Variants in PRRC2B observed in about 807,000 individuals in gnomAD.
PRRC2B encodes the protein protein PRRC2B.
Under a neutral mutation model 242.3 loss-of-function variants are expected in PRRC2B, and 68 were observed. The ratio of observed to expected loss-of-function variants is 0.28; its 90% CI spans 0.23 to 0.34. The LOEUF (loss-of-function observed/expected upper bound fraction) is 0.34, where lower values mean the gene tolerates loss of function less well. PRRC2B is among the 10% of genes least tolerant of loss of function. PRRC2B has a pLI of 1.00. For synonymous variants in PRRC2B, 1,228 were observed against 1,173.6 expected (o/e 1.05, Z -0.95); for missense variants, 2,835 against 2,954.8 (o/e 0.96, Z 0.94).
intron 1 of PRRC2B, among the ~76,000 whole-genome samples, chr9:131,421,975 T>G (rs904203096): frequency 2.0e-5 from 3 of 152,246 alleles, no homozygotes; most frequent in African/African-American, 7.2e-5. Context: ...CAGTGCAGCC[T>G]GGGCTCCAAG....
At chr9:131,449,199 T>C (rs1942832504) in intron 9 of PRRC2B, among the ~76,000 whole-genome samples, 2 of 152,336 alleles carry the variant, frequency 1.3e-5, no homozygotes, top group Admixed American at 1.3e-4. Context: ...CATACTTCTA[T>C]TTCTCTTGGG....
At position 131,470,841 on chromosome 9, in the gene PRRC2B, C is replaced by A. The variant is rs758698070; in HGVS notation, c.1965C>A (p.His655Gln). The change falls in exon 14 of 32, where the codon CAC (histidine) becomes CAA (glutamine). Residue 655 changes from histidine to glutamine, a missense_variant. Physicochemically the swap from His to Gln is conservative, Grantham distance 24. Transcript: ENST00000683519. The part of the protein sequence containing the change: ...HWQPVYPPPS[H>Q]PQRTFYPHHP... ...AGCCGGTGTACCCCCCGCCGTCCCACCCCCAGCGCACCTTTTACCCACACC... is the reference window on the plus strand; with the variant it reads ...AGCCGGTGTACCCCCCGCCGTCCCAACCCCAGCGCACCTTTTACCCACACC... 5.0e-6 allele frequency: 8 copies of A among 1,610,320 alleles called. No homozygotes were observed. Among genetic ancestry groups the A allele is most frequent in the Non-Finnish European group, 6.8e-6 (8 of 1,177,398 alleles).
intron 1 of PRRC2B, among the ~76,000 whole-genome samples, chr9:131,401,498 C>T (rs1402950614): frequency 1.3e-5 from 2 of 151,432 alleles, no homozygotes; most frequent in Admixed American, 6.6e-5. Context: ...TACAGGCACA[C>T]GCCACCACAC....
intron 5 of PRRC2B, among the ~76,000 whole-genome samples, chr9:131,442,762 C>T (rs1838642228): frequency 6.6e-6 from 1 of 152,156 alleles, no homozygotes; most frequent in Non-Finnish European, 1.5e-5. Flanking sequence ...CTAGATTGCT[C>T]CTGTCTGGAG....
chr9:131,440,154 A>G (rs1045752340), intron 5 of PRRC2B, among the ~76,000 whole-genome samples: 1 of 152,018 alleles, frequency 6.6e-6, no homozygotes, highest in Non-Finnish European at 1.5e-5. Flanking sequence ...TGATCCTCCT[A>G]CCTTGGCCTC....
rs541839810 is a variant in PRRC2B, at chr9:131,445,222, G to A, written c.613+894G>A. Among the ~76,000 whole-genome samples the A allele has an allele frequency of 2.0e-5, 3 of 151,886 alleles. No homozygotes were observed. In the East Asian group the frequency reaches 5.8e-4, roughly 29 times the overall value. On this transcript the variant is annotated intron_variant, in intron 6 of 31. Coordinates refer to ENST00000683519, the MANE Select transcript of PRRC2B (RefSeq NM_013318.4). ...GTTGCCCAGGGTGGAGTGCAATGGT[G>A]CGATCTCTGCTCACTGCAACCTCCG...
intron 14 of PRRC2B, among the ~76,000 whole-genome samples, chr9:131,472,910 A>T (rs1010781916): frequency 2.0e-5 from 3 of 151,962 alleles, no homozygotes; most frequent in African/African-American, 7.2e-5. Flanking sequence ...TTGCTTCTAC[A>T]TTTCATTTCT....
At chr9:131,425,870 A>G (rs1837961792) in intron 1 of PRRC2B, among the ~76,000 whole-genome samples, 1 of 150,774 alleles carries the variant, frequency 6.6e-6, no homozygotes, top group Admixed American at 6.6e-5. Context: ...TTAGCTGGGC[A>G]TGGTGGTTCA....
At chr9:131,458,782 C>T (rs912843752) in intron 10 of PRRC2B, among the ~76,000 whole-genome samples, 2 of 152,172 alleles carry the variant, frequency 1.3e-5, no homozygotes, top group African/African-American at 2.4e-5. Context: ...GGATTACAGG[C>T]GTGAGCCACT....
At chr9:131,462,641 C>T (rs1167864033) in intron 11 of PRRC2B, among the ~76,000 whole-genome samples, 2 of 151,294 alleles carry the variant, frequency 1.3e-5, no homozygotes, top group Non-Finnish European at 3.0e-5. Flanking sequence ...AGTTCTAGAC[C>T]AGCCTGACCA....
At chr9:131,426,575 C>T (rs139211463) in intron 1 of PRRC2B, among the ~76,000 whole-genome samples, 1 of 151,834 alleles carries the variant, frequency 6.6e-6, no homozygotes. Flanking sequence ...GCCCATGGAC[C>T]CCAGGGCAAG....
Position 131,482,584 on chromosome 9 carries a change from C to A in PRRC2B, c.5175+22C>A. ...GAAGGTAACCTGGACGTTCCAGTCA[C>A]AGTGGCCAGGGCCTGGGTGGAAGGG... is the stretch of plus-strand genomic sequence containing the variant. On this transcript the variant is annotated intron_variant, in intron 21 of 31. Coordinates refer to ENST00000683519, the MANE Select transcript of PRRC2B (RefSeq NM_013318.4). The surrounding 1 kb of genome is among the most constrained non-coding windows in gnomAD (Gnocchi z 5.2). 1 of 1,573,204 alleles carries A rather than the reference C, an allele frequency of 6.4e-7. No individual in the cohort carries two copies. Among genetic ancestry groups the A allele is most frequent in the South Asian group, 1.2e-5 (1 of 86,694 alleles).
At position 131,446,030 on chromosome 9, in the gene PRRC2B, G is replaced by C. The variant is rs1838789392; in HGVS notation, c.614-371G>C. On this transcript the variant is annotated intron_variant, in intron 6 of 31. Transcript: ENST00000683519. This position sits in a 1 kb window ranked among gnomAD's most constrained non-coding sequence, Gnocchi z 4.1. Reference sequence around the variant, plus strand: ...CTGTTTTAATGTGTAGTCCAGTGCTGACCCTAAGTGGGCTGGTCAGTGTTT... The same window carrying C: ...CTGTTTTAATGTGTAGTCCAGTGCTCACCCTAAGTGGGCTGGTCAGTGTTT... 6.6e-6 allele frequency among the ~76,000 whole-genome samples: 1 copy of C among 152,142 alleles called. No individual in the cohort carries two copies. Among genetic ancestry groups the C allele is most frequent in the Admixed American group, 6.5e-5 (1 of 15,284 alleles).
chr9:131,474,263 G>A (rs912535970), intron 15 of PRRC2B, among the ~76,000 whole-genome samples, 191 bp from the exon 16 acceptor site: 10 of 152,212 alleles, frequency 6.6e-5, no homozygotes, highest in Non-Finnish European at 8.8e-5. Context: ...CGTGTTTAAA[G>A]ATAGAACAAA....
chr9:131,418,061 A>G (rs557871251), intron 1 of PRRC2B, among the ~76,000 whole-genome samples: 1 of 152,332 alleles, frequency 6.6e-6, no homozygotes, highest in African/African-American at 2.4e-5. Flanking sequence ...GCCTTGAGAA[A>G]GGGAGTCCAA....
At chr9:131,471,702 T>C (rs1943552007) in intron 14 of PRRC2B, among the ~76,000 whole-genome samples, 2 of 152,260 alleles carry the variant, frequency 1.3e-5, no homozygotes, top group South Asian at 4.1e-4. Flanking sequence ...CTGAGTTTTG[T>C]TTAATGGCTG....
intron 3 of PRRC2B, among the ~76,000 whole-genome samples, chr9:131,434,630 C>T (rs1045568930): frequency 8.5e-5 from 13 of 152,340 alleles, no homozygotes; most frequent in Middle Eastern, 3.4e-3. Flanking sequence ...GTAATAATCA[C>T]GAATGGTGAG....
intron 1 of PRRC2B, among the ~76,000 whole-genome samples, chr9:131,417,411 C>T (rs1175748765): frequency 1.3e-5 from 2 of 152,046 alleles, no homozygotes; most frequent in African/African-American, 2.4e-5. Flanking sequence ...GGGAAGGGGC[C>T]GTAGGTGTCT....
chr9:131,486,126 G>C lies in PRRC2B; in HGVS notation c.5800G>C (p.Ala1934Pro). ...CCTGTACCTGGATGGCCATGTGTTTGCAAGTCAGCCCCGGCTGGTTCCTCA... is the reference window on the plus strand; with the variant it reads ...CCTGTACCTGGATGGCCATGTGTTTCCAAGTCAGCCCCGGCTGGTTCCTCA... The part of the protein sequence containing the change: ...PPLYLDGHVF[A>P]SQPRLVPQTI... Residue 1934 changes from alanine (A) to proline (P), a missense_variant, in exon 26 of 32, where the codon GCA (alanine) becomes CCA (proline). Around this residue, in one of 7 missense-constraint regions of PRRC2B, gnomAD observed 574 missense variants for 626.0 expected, o/e 0.92. Transcript: ENST00000683519. The C allele has an allele frequency of 1.2e-6, 2 of 1,613,300 alleles. No individual in the cohort carries two copies. The highest frequency in any genetic ancestry group is 1.7e-6 in the Non-Finnish European group (2 of 1,179,606).
Sources: allele counts gnomAD v4.1 joint callset (sites outside exome capture counted in the v4.1 genomes callset), GRCh38; gene constraint gnomAD v4.1.1; regional missense constraint gnomAD v4.1.1; non-coding constraint Gnocchi (gnomAD v3.1); transcripts MANE v1.5; gene names NCBI Gene and HGNC (gene_info 2026-07-23, HGNC 2026-07-21).